Variants in ZNF831 observed in about 807,000 individuals in gnomAD.
ZNF831 encodes the protein chromosome 20 open reading frame 174.
In ZNF831, 59 loss-of-function variants were observed where a neutral mutation model predicts 95.8. The observed-to-expected ratio is 0.62, with a 90% CI of 0.50 to 0.77. ZNF831 has a LOEUF of 0.77. Among genes scored for constraint, ZNF831 ranks in the 30% least tolerant of loss-of-function variants. The probability of loss-of-function intolerance (pLI) is 0.00; values close to 1 mark genes in which losing one functional copy is unlikely to be tolerated. For missense variants in ZNF831, 2,205 were observed against 2,164.0 expected (o/e 1.02, Z -0.38); for synonymous variants, 961 against 925.5 (o/e 1.04, Z -0.70).
chr20:59,178,261 A>G (rs1298909061), intron 1 of ZNF831, among the ~76,000 whole-genome samples: 1 of 152,220 alleles, frequency 6.6e-6, no homozygotes, highest in East Asian at 1.9e-4. Flanking sequence ...TGTGAGGTTG[A>G]ATTCAAGTGA....
rs1221566101 is a variant in ZNF831 at position 59,192,692 on chromosome 20, C to T, written c.1673C>T (p.Pro558Leu). Residue 558 changes from proline (P) to leucine (L), a missense_variant, in exon 2 of 6, where the codon CCC becomes CTC. Physicochemically the swap from Pro to Leu is moderately conservative, Grantham distance 98 (BLOSUM62 -3). Coordinates refer to ENST00000371030, the MANE Select transcript of ZNF831 (RefSeq NM_178457.3). This position sits in a 1 kb window ranked among gnomAD's most constrained non-coding sequence, Gnocchi z 5.2. ...LSSTDVPSGH[P>L]RALVRQAAVE... Reference sequence around the variant, plus strand: ...TCGACTGACGTTCCCAGTGGGCATCCCCGGGCCCTGGTCAGACAGGCCGCG... The same window carrying T: ...TCGACTGACGTTCCCAGTGGGCATCTCCGGGCCCTGGTCAGACAGGCCGCG... The T allele has an allele frequency of 1.3e-6, 2 of 1,578,584 alleles. No homozygotes were observed. Among genetic ancestry groups the T allele is most frequent in the South Asian group, 1.2e-5 (1 of 86,620 alleles).
intron 4 of ZNF831, among the ~76,000 whole-genome samples, chr20:59,240,009 C>T (rs1387575894): frequency 1.3e-5 from 2 of 152,154 alleles, no homozygotes; most frequent in Non-Finnish European, 2.9e-5. Flanking sequence ...CCTAAGACCA[C>T]CCCCAGGGGA....
intron 3 of ZNF831, among the ~76,000 whole-genome samples, chr20:59,199,129 A>G (rs965644685): frequency 2.6e-5 from 3 of 114,446 alleles, no homozygotes; most frequent in African/African-American, 6.9e-5. Flanking sequence ...CTATCTATCT[A>G]TCTATCACGT....
In ZNF831 at chr20:59,227,323, A is replaced by C. The variant is rs1404108297; in HGVS notation, c.4027+20267A>C. On this transcript the variant is annotated intron_variant, in intron 4 of 5. Coordinates refer to ENST00000371030, the MANE Select transcript of ZNF831 (RefSeq NM_178457.3). The stretch of plus-strand genomic sequence containing the variant: ...ATTTTTAAGGGAACTATTTTCTGAG[A>C]TAAATTTTGGAGGAAAAATCTCTTA... Among the ~76,000 whole-genome samples, 4 of 152,224 alleles carry C rather than the reference A, an allele frequency of 2.6e-5. No individual in the cohort carries two copies. In the East Asian group the frequency reaches 7.7e-4, roughly 29 times the overall value.
intron 3 of ZNF831, among the ~76,000 whole-genome samples, chr20:59,205,606 C>A (rs544384844): frequency 6.6e-6 from 1 of 152,058 alleles, no homozygotes; most frequent in African/African-American, 2.4e-5. Context: ...TGTGAGCGGC[C>A]CTGGTGATTA....
intron 1 of ZNF831, among the ~76,000 whole-genome samples, chr20:59,126,253 C>T (rs1310732737): frequency 2.0e-5 from 3 of 152,154 alleles, no homozygotes; most frequent in Non-Finnish European, 4.4e-5. Flanking sequence ...CCTCTTTACC[C>T]TCCAAGGTGT....
At chr20:59,251,922 G>A (rs568359949) in intron 4 of ZNF831, among the ~76,000 whole-genome samples, 1 of 152,128 alleles carries the variant, frequency 6.6e-6, no homozygotes, top group African/African-American at 2.4e-5. Context: ...TATAAACATG[G>A]AATATTCGCC....
At chr20:59,148,604 C>T (rs932253810) in intron 2 of ZNF831, among the ~76,000 whole-genome samples, 3 of 122,704 alleles carry the variant, frequency 2.4e-5, no homozygotes, top group Non-Finnish European at 5.0e-5. Context: ...GGCGTGAACC[C>T]GGGAGGTGGA....
In ZNF831 at chr20:59,208,795, G is replaced by C. The variant is rs1261576693; in HGVS notation, c.4027+1739G>C. Among the ~76,000 whole-genome samples the C allele has an allele frequency of 6.6e-6, 1 of 152,134 alleles. No individual in the cohort carries two copies. Among genetic ancestry groups the C allele is most frequent in the Non-Finnish European group, 1.5e-5 (1 of 68,030 alleles). On this transcript the variant is annotated intron_variant, in intron 4 of 5. Transcript: ENST00000371030. The surrounding 1 kb of genome is among the most constrained non-coding windows in gnomAD (Gnocchi z 4.2). ...GAACCCCTGCTGAGACGCTGGCAGA[G>C]AGCTGGTAGCCCCCGCTACCTGGGA...
intron 4 of ZNF831, among the ~76,000 whole-genome samples, chr20:59,246,248 A>C (rs557954935): frequency 9.2e-5 from 14 of 152,256 alleles, no homozygotes; most frequent in Non-Finnish European, 1.6e-4. Flanking sequence ...AGGACTTCCG[A>C]CATCTTTTCT....
intron 4 of ZNF831, among the ~76,000 whole-genome samples, chr20:59,232,870 AT>A (rs956775255): frequency 6.6e-6 from 1 of 152,086 alleles, no homozygotes; most frequent in African/African-American, 2.4e-5. Flanking sequence ...ACAGCCCCAC[AT>A]TTTTGGAGCA....
In ZNF831 at chr20:59,254,489, G is replaced by A. The variant is rs2146770663; in HGVS notation, c.4780G>A (p.Gly1594Ser). The A allele has an allele frequency of 6.2e-7, 1 of 1,614,170 alleles. No homozygotes were observed. The highest frequency in any genetic ancestry group is 8.5e-7 in the Non-Finnish European group (1 of 1,180,032). Reference sequence around the variant, plus strand: ...ACACAAGACGTTTTTTCCTTCCAGAGGCCAGTATGGGTGTGGGGAAATGAC... The same window carrying A: ...ACACAAGACGTTTTTTCCTTCCAGAAGCCAGTATGGGTGTGGGGAAATGAC... The part of the protein sequence containing the change: ...GRHKTFFPSR[G>S]QYGCGEMTVP... The change falls in exon 6 of 6, where the codon GGC becomes AGC. Residue 1594 changes from glycine to serine, a missense_variant. Gly to Ser is a moderately conservative substitution (Grantham distance 56). Transcript: ENST00000371030. The surrounding 1 kb of genome is among the most constrained non-coding windows in gnomAD (Gnocchi z 4.5).
In ZNF831 at chr20:59,254,432, A is replaced by C; in HGVS notation, c.4723A>C (p.Ser1575Arg). 6.2e-7 allele frequency: 1 copy of C among 1,614,218 alleles called. No homozygotes were observed. Among genetic ancestry groups the C allele is most frequent in the African/African-American group, 1.3e-5 (1 of 75,064 alleles). ...TCTTGAAATACCAGCTTCAGGACCA[A>C]GTTCAGCTAGTTCACACCACAAGGA... Reference protein sequence around the residue: ...THLEIPASGPSSASSHHKEGR... With the variant: ...THLEIPASGPRSASSHHKEGR... Residue 1575 changes from serine (S) to arginine (R), a missense_variant, in exon 6 of 6, where the codon AGT becomes CGT. By Grantham distance (110) the Ser-to-Arg change is moderately radical (BLOSUM62 -1). Transcript: ENST00000371030. The surrounding 1 kb of genome is among the most constrained non-coding windows in gnomAD (Gnocchi z 4.5).
chr20:59,227,965 C>A (rs186183098), intron 4 of ZNF831, among the ~76,000 whole-genome samples: 1 of 152,146 alleles, frequency 6.6e-6, no homozygotes, highest in East Asian at 1.9e-4. Context: ...AAACACTGGG[C>A]TTTCCATTTC....
chr20:59,218,125 G>A (rs1316395620), intron 4 of ZNF831, among the ~76,000 whole-genome samples: 1 of 152,224 alleles, frequency 6.6e-6, no homozygotes, highest in Non-Finnish European at 1.5e-5. Context: ...TTAGGCAGAG[G>A]CTGAGCAGAG....
chr20:59,240,862 AT>A (rs1987296653), intron 4 of ZNF831, among the ~76,000 whole-genome samples: 1 of 152,098 alleles, frequency 6.6e-6, no homozygotes, highest in South Asian at 2.1e-4. Flanking sequence ...CTTCCTTTTT[AT>A]TCCCTCTCTT....
At chr20:59,177,761 C>T (rs1044926556) in intron 1 of ZNF831, among the ~76,000 whole-genome samples, 3 of 152,204 alleles carry the variant, frequency 2.0e-5, no homozygotes, top group East Asian at 1.9e-4. Context: ...TGGGCTTGTT[C>T]TCATGGCAGA....
chr20:59,161,133 T>C (rs1037957917), upstream of ZNF831, among the ~76,000 whole-genome samples: 8 of 152,220 alleles, frequency 5.3e-5, no homozygotes, highest in African/African-American at 1.4e-4. Flanking sequence ...TCACATACCA[T>C]GCAATTCACC....
At chr20:59,194,870 A>G (rs1601379385) in intron 2 of ZNF831, 113 bp downstream of exon 2, 1 of 1,385,004 alleles carries the variant, frequency 7.2e-7, no homozygotes, top group Non-Finnish European at 9.5e-7. Context: ...TCTGCTGTTC[A>G]CTGCTTGCTT....
Sources: allele counts gnomAD v4.1 joint callset (sites outside exome capture counted in the v4.1 genomes callset), GRCh38; gene constraint gnomAD v4.1.1; non-coding constraint Gnocchi (gnomAD v3.1); transcripts MANE v1.5; gene names NCBI Gene and HGNC (gene_info 2026-07-23, HGNC 2026-07-21).